TMOD1: variants seen among roughly 807,000 people sequenced by gnomAD.
TMOD1 encodes tropomodulin 1.
Under a neutral mutation model 40.6 loss-of-function variants are expected in TMOD1, and 17 were observed. The observed-to-expected ratio is 0.42, with a 90% CI of 0.29 to 0.63. TMOD1 has a LOEUF of 0.63. Among genes scored for constraint, TMOD1 ranks in the 20% least tolerant of loss-of-function variants. The probability of loss-of-function intolerance (pLI) is 0.22; values close to 1 mark genes in which losing one functional copy is unlikely to be tolerated. For synonymous variants in TMOD1, 181 were observed against 175.0 expected (o/e 1.03, Z -0.27); for missense variants, 391 against 447.6 (o/e 0.87, Z 1.14).
At chr9:97,562,674 C>A in intron 4 of TMOD1, 58 bp from the exon 5 acceptor site, 1 of 1,321,964 alleles carries the variant, frequency 7.6e-7, no homozygotes, top group Non-Finnish European at 1.0e-6. Flanking sequence ...AGTGTGGGTC[C>A]CTAGGAGGCT....
chr9:97,590,556 C>T (rs1221573723), intron 8 of TMOD1, among the ~76,000 whole-genome samples: 1 of 151,884 alleles, frequency 6.6e-6, no homozygotes. Context: ...TTTCCTGGCA[C>T]TATTATAACT....
chr9:97,579,254 C>G (rs6478281), intron 8 of TMOD1, among the ~76,000 whole-genome samples: 1,813 of 152,288 alleles, frequency 0.012, 27 homozygotes, highest in African/African-American at 0.04. Context: ...GACGTCGCCT[C>G]TATCCCTCCC....
intron 2 of TMOD1, among the ~76,000 whole-genome samples, chr9:97,543,826 C>T (rs747267784): frequency 2.0e-5 from 3 of 152,218 alleles, no homozygotes; most frequent in East Asian, 3.8e-4. Context: ...TCCCATCAAA[C>T]CTGGGACATG....
At chr9:97,559,635 C>T (rs1378210282) in intron 4 of TMOD1, among the ~76,000 whole-genome samples, 1 of 150,688 alleles carries the variant, frequency 6.6e-6, no homozygotes, top group East Asian at 1.9e-4. Context: ...CGTGGTGGCA[C>T]GTGTCTGTAA....
intron 8 of TMOD1, among the ~76,000 whole-genome samples, chr9:97,586,339 A>G (rs1825869829): frequency 6.6e-6 from 1 of 152,104 alleles, no homozygotes; most frequent in Admixed American, 6.5e-5. Flanking sequence ...TCAGGGACCC[A>G]CTTGAGGAGG....
chr9:97,530,365 AAGAG>A (rs1272633162), intron 2 of TMOD1, among the ~76,000 whole-genome samples: 1 of 152,228 alleles, frequency 6.6e-6, no homozygotes, highest in Admixed American at 6.5e-5. Flanking sequence ...ATTGGGTCCT[AAGAG>A]TTGATTTTAA....
intron 8 of TMOD1, among the ~76,000 whole-genome samples, chr9:97,585,094 T>C (rs1012767759): frequency 3.3e-5 from 5 of 152,252 alleles, no homozygotes; most frequent in African/African-American, 1.2e-4. Context: ...AGTTTCTTCC[T>C]AGTCTTGATG....
intron 2 of TMOD1, among the ~76,000 whole-genome samples, chr9:97,531,036 C>A (rs1564234033): frequency 2.4e-5 from 3 of 127,304 alleles, no homozygotes; most frequent in South Asian, 5.6e-4. Context: ...GATCCACACC[C>A]ACCCCCCCCA....
At position 97,562,732 on chromosome 9, in the gene TMOD1, C is replaced by T. The variant is rs771595062; in HGVS notation, c.398C>T (p.Ala133Val). ...ASDAELCDIA[A>V]ILGMHTLMSN... ...ATGAGCCCTTCCCTTGTCCCTGCAGCGATCCTGGGCATGCACACGCTCATG... is the reference window on the plus strand; with the variant it reads ...ATGAGCCCTTCCCTTGTCCCTGCAGTGATCCTGGGCATGCACACGCTCATG... The change falls in exon 5 of 10, where the codon GCG becomes GTG. Residue 133 changes from alanine to valine, a missense_variant and splice_region_variant. Coordinates refer to ENST00000259365, the MANE Select transcript of TMOD1 (RefSeq NM_003275.4). The T allele has an allele frequency of 7.1e-6, 11 of 1,543,430 alleles. No individual in the cohort carries two copies. Among genetic ancestry groups the T allele is most frequent in the African/African-American group, 1.4e-5 (1 of 70,364 alleles).
At chr9:97,503,144 G>T (rs1829532716) in intron 1 of TMOD1, among the ~76,000 whole-genome samples, 1 of 152,046 alleles carries the variant, frequency 6.6e-6, no homozygotes, top group Non-Finnish European at 1.5e-5. Flanking sequence ...CTGCCATTTT[G>T]TCCTCTGTGC....
At chr9:97,581,621 AG>A (rs1435575419) in intron 8 of TMOD1, among the ~76,000 whole-genome samples, 1 of 150,874 alleles carries the variant, frequency 6.6e-6, no homozygotes, top group Admixed American at 6.6e-5. Flanking sequence ...ACAGTGTAAA[AG>A]TGTTCCTATT....
At chr9:97,596,542 G>A (rs989915323) in intron 9 of TMOD1, among the ~76,000 whole-genome samples, 1 of 152,228 alleles carries the variant, frequency 6.6e-6, no homozygotes. Flanking sequence ...GGAAACAGAA[G>A]TCTAGGGAAG....
intron 2 of TMOD1, among the ~76,000 whole-genome samples, chr9:97,538,106 G>A (rs918979932): frequency 9.9e-5 from 15 of 152,266 alleles, no homozygotes; most frequent in Middle Eastern, 3.4e-3. Context: ...GTAGTGTGGA[G>A]GCATGAACGC....
chr9:97,511,692 C>T (rs1829702788), intron 1 of TMOD1, among the ~76,000 whole-genome samples: 1 of 152,184 alleles, frequency 6.6e-6, no homozygotes, highest in Admixed American at 6.5e-5. Context: ...TAAAGCAATC[C>T]TCCCACTTCA....
At chr9:97,578,768 T>C (rs929891443) in intron 8 of TMOD1, among the ~76,000 whole-genome samples, 3 of 152,226 alleles carry the variant, frequency 2.0e-5, no homozygotes, top group Non-Finnish European at 4.4e-5. Context: ...AGGGGCTTTG[T>C]ACTCTGCACG....
chr9:97,548,355 T>C (rs547809902), intron 3 of TMOD1, among the ~76,000 whole-genome samples: 2 of 152,048 alleles, frequency 1.3e-5, no homozygotes, highest in African/African-American at 4.8e-5. Flanking sequence ...TCAGTCCAGG[T>C]TTCACTGAAA....
At chr9:97,549,606 C>A (rs938982587) in intron 3 of TMOD1, among the ~76,000 whole-genome samples, 2 of 152,068 alleles carry the variant, frequency 1.3e-5, no homozygotes, top group Admixed American at 1.3e-4. Context: ...TTTTTTTCCC[C>A]AAATGATTCT....
intron 2 of TMOD1, among the ~76,000 whole-genome samples, chr9:97,524,794 G>A (rs77056288): frequency 0.011 from 1,600 of 152,148 alleles, 24 homozygotes; most frequent in African/African-American, 0.036. Context: ...GGAAATTTCC[G>A]CTTACTTGGA....
chr9:97,594,389 G>A (rs1826062556), intron 9 of TMOD1, among the ~76,000 whole-genome samples: 1 of 152,248 alleles, frequency 6.6e-6, no homozygotes, highest in Non-Finnish European at 1.5e-5. Context: ...TAATGCCGCA[G>A]TGAAGCAGAC....
Sources: allele counts gnomAD v4.1 joint callset (sites outside exome capture counted in the v4.1 genomes callset), GRCh38; gene constraint gnomAD v4.1.1; transcripts MANE v1.5; gene names NCBI Gene and HGNC (gene_info 2026-07-23, HGNC 2026-07-21).